Variants in RALYL observed in about 807,000 individuals in gnomAD.
RALYL encodes the protein RNA-binding Raly-like protein.
RALYL carries 29 observed loss-of-function variants against 35.1 expected under a neutral mutation model. The ratio of observed to expected loss-of-function variants is 0.83; its 90% CI spans 0.61 to 1.13. The LOEUF is 1.13. RALYL is among the 50% of genes most tolerant of loss of function. The pLI, the probability that RALYL is intolerant of heterozygous loss-of-function variation, is 0.00. For missense variants in RALYL, 359 were observed against 360.4 expected (o/e 1.00, Z 0.03); for synonymous variants, 120 against 127.6 (o/e 0.94, Z 0.40).
chr8:84,261,955 A>G (rs1832387690), intron 1 of RALYL, among the ~76,000 whole-genome samples: 1 of 152,162 alleles, frequency 6.6e-6, no homozygotes, highest in Non-Finnish European at 1.5e-5. Flanking sequence ...TAGACTTCAC[A>G]TAATAAAGAC....
At chr8:84,475,376 T>C (rs1322736777) in intron 1 of RALYL, among the ~76,000 whole-genome samples, 1 of 152,084 alleles carries the variant, frequency 6.6e-6, no homozygotes, top group African/African-American at 2.4e-5. Flanking sequence ...CACATCACCA[T>C]GCCCAGTTAA....
At chr8:84,468,923 C>A (rs547006309) in intron 1 of RALYL, among the ~76,000 whole-genome samples, 2 of 151,414 alleles carry the variant, frequency 1.3e-5, no homozygotes, top group Non-Finnish European at 2.9e-5. Context: ...CCCTTTCTTC[C>A]AGTTGATCGC....
chr8:84,711,358 A>G (rs1032509215), intron 2 of RALYL, among the ~76,000 whole-genome samples: 8 of 152,170 alleles, frequency 5.3e-5, no homozygotes, highest in Admixed American at 4.6e-4. Context: ...TTTTTAAATG[A>G]CAAGTTTTAA....
At chr8:84,232,011 CA>C (rs1419528627) in intron 1 of RALYL, among the ~76,000 whole-genome samples, 1 of 151,518 alleles carries the variant, frequency 6.6e-6, no homozygotes, top group African/African-American at 2.4e-5. Context: ...CAGATTATTC[CA>C]AAAAAAGGCT....
chr8:84,486,751 T>G (rs2054672822), intron 1 of RALYL, among the ~76,000 whole-genome samples: 3 of 152,230 alleles, frequency 2.0e-5, no homozygotes, highest in East Asian at 3.9e-4. Context: ...TTTTGTTTTC[T>G]TTTTATAATT....
At chr8:84,610,072 G>C (rs1564230288) in intron 2 of RALYL, among the ~76,000 whole-genome samples, 1 of 152,066 alleles carries the variant, frequency 6.6e-6, no homozygotes, top group African/African-American at 2.4e-5. Flanking sequence ...GGAATTATGG[G>C]AGCTACAATT....
chr8:84,510,745 G>T lies in RALYL; in HGVS notation c.-23-18554G>T, dbSNP rs140206410. Among the ~76,000 whole-genome samples, 747 of 152,162 alleles carry T rather than the reference G, an allele frequency of 4.9e-3. 7 individuals carry two copies. The highest frequency in any genetic ancestry group is 0.016 in the African/African-American group (684 of 41,496). On this transcript the variant is annotated intron_variant, in intron 1 of 8. Transcript: ENST00000521268. ...GAATTGCTTGAACCTGGGAGGTGGA[G>T]GTTGCGGTGAGCTGAGATCACACCA... is the stretch of plus-strand genomic sequence containing the variant.
intron 2 of RALYL, among the ~76,000 whole-genome samples, chr8:84,623,833 G>A (rs1400808387): frequency 6.6e-6 from 1 of 152,096 alleles, no homozygotes. Flanking sequence ...CAAAGAGCAT[G>A]GAATCCAAGC....
intron 1 of RALYL, among the ~76,000 whole-genome samples, chr8:84,274,877 G>C (rs6995039): frequency 0.046 from 6,991 of 152,148 alleles, 534 homozygotes; most frequent in African/African-American, 0.16. Context: ...TCAAAGATCT[G>C]TAACTTAGAG....
chr8:84,728,948 A>G (rs1845565420), intron 2 of RALYL, among the ~76,000 whole-genome samples: 1 of 152,048 alleles, frequency 6.6e-6, no homozygotes, highest in Non-Finnish European at 1.5e-5. Context: ...GGATTGACTT[A>G]GCAATGTGGG....
At chr8:84,841,904 C>T (rs1013829843) in intron 4 of RALYL, among the ~76,000 whole-genome samples, 2 of 152,126 alleles carry the variant, frequency 1.3e-5, no homozygotes, top group South Asian at 2.1e-4. Context: ...GAAATAAAGA[C>T]GTTCTTTGAA....
intron 8 of RALYL, among the ~76,000 whole-genome samples, chr8:84,916,545 G>C (rs1205261280): frequency 2.0e-5 from 3 of 151,880 alleles, no homozygotes; most frequent in Admixed American, 6.6e-5. Flanking sequence ...CCCTGCACAG[G>C]CTCTCTCTTT....
intron 2 of RALYL, among the ~76,000 whole-genome samples, chr8:84,770,539 A>G (rs1815212237): frequency 2.0e-5 from 3 of 150,972 alleles, no homozygotes. Context: ...TCGTATAATG[A>G]CTTCTTTTCC....
chr8:84,897,455 A>G (rs757334196), intron 8 of RALYL, among the ~76,000 whole-genome samples: 11 of 152,332 alleles, frequency 7.2e-5, no homozygotes, highest in Non-Finnish European at 1.2e-4. Flanking sequence ...TTAAATTTTT[A>G]TTTGATTGTA....
At chr8:84,260,257 A>C (rs1832005540) in intron 1 of RALYL, among the ~76,000 whole-genome samples, 1 of 152,184 alleles carries the variant, frequency 6.6e-6, no homozygotes, top group Non-Finnish European at 1.5e-5. Flanking sequence ...GAAGAAAAAA[A>C]TAGAAACTGC....
intron 1 of RALYL, among the ~76,000 whole-genome samples, chr8:84,396,613 TAAAGAA>T (rs1374151059): frequency 6.6e-6 from 1 of 152,100 alleles, no homozygotes; most frequent in African/African-American, 2.4e-5. Context: ...TATAGTTAAT[TAAAGAA>T]AATTAATGAA....
intron 2 of RALYL, among the ~76,000 whole-genome samples, chr8:84,619,609 G>C (rs1466939409): frequency 1.4e-5 from 2 of 147,592 alleles, no homozygotes; most frequent in Non-Finnish European, 3.0e-5. Flanking sequence ...AGTTAATATT[G>C]TTATGTGTGA....
intron 8 of RALYL, among the ~76,000 whole-genome samples, chr8:84,889,744 T>C (rs997931274): frequency 6.6e-6 from 1 of 152,218 alleles, no homozygotes. Flanking sequence ...GTCTTGATTT[T>C]TTTCTAGTCA....
intron 1 of RALYL, among the ~76,000 whole-genome samples, chr8:84,499,535 A>G (rs2056441435): frequency 6.6e-6 from 1 of 152,180 alleles, no homozygotes; most frequent in Admixed American, 6.5e-5. Flanking sequence ...CACTGAGCAG[A>G]GACAACAGAG....
Sources: allele counts gnomAD v4.1 joint callset (sites outside exome capture counted in the v4.1 genomes callset), GRCh38; gene constraint gnomAD v4.1.1; transcripts MANE v1.5; gene names NCBI Gene and HGNC (gene_info 2026-07-23, HGNC 2026-07-21).